Variants in HERC6 observed in about 807,000 individuals in gnomAD.
HERC6 encodes the protein HECT and RLD domain containing E3 ubiquitin protein ligase family member 6.
Under a neutral mutation model 114.5 loss-of-function variants are expected in HERC6, and 101 were observed. The observed-to-expected ratio is 0.88, with a 90% CI of 0.75 to 1.04. The LOEUF is 1.04. Among genes scored for constraint, HERC6 ranks in the 50% least tolerant of loss-of-function variants. The probability of loss-of-function intolerance (pLI) is 0.00; values close to 1 mark genes in which losing one functional copy is unlikely to be tolerated. For synonymous variants in HERC6, 408 were observed against 436.2 expected (o/e 0.94, Z 0.81); for missense variants, 1,133 against 1,230.9 (o/e 0.92, Z 1.19).
At position 88,435,739 on chromosome 4, in the gene HERC6, GA is replaced by G; in HGVS notation, c.2269del (p.Arg757AspfsTer16). On this transcript the variant is annotated frameshift_variant, in exon 18 of 23. Coordinates refer to ENST00000264346, the MANE Select transcript of HERC6 (RefSeq NM_017912.4). LOFTEE classifies it high-confidence loss of function. ...TTCTTTTCTAGCCTAAACCTGAGAA[GA>G]AAAGATATTTCCTCTTTGGAATGCT... ...WFPAKPKPEK[K>X]RYFLFGMLCG... 6.4e-7 allele frequency: 1 copy of G among 1,552,554 alleles called. No individual in the cohort carries two copies. Among genetic ancestry groups the G allele is most frequent in the Non-Finnish European group, 8.7e-7 (1 of 1,148,986 alleles).
intron 8 of HERC6, among the ~76,000 whole-genome samples, chr4:88,404,227 T>C (rs1735695375): frequency 6.6e-6 from 1 of 151,434 alleles, no homozygotes; most frequent in Non-Finnish European, 1.5e-5. Context: ...AGTTTCGCTC[T>C]TGTTGCCCAG....
chr4:88,383,372 C>T lies in HERC6; in HGVS notation c.351C>T (p.Phe117=), dbSNP rs761817060. 4.2e-5 allele frequency: 63 copies of T among 1,497,280 alleles called. No homozygotes were observed. The highest frequency in any genetic ancestry group is 5.4e-5 in the Non-Finnish European group (61 of 1,124,984). The allele number at this position is 1,497,280 out of a possible 1,614,324, so 92.7% of individuals were successfully genotyped here. A position where few individuals can be genotyped will look rare whatever the true frequency, so the allele number is the denominator to read the frequency against. Residue 117 remains phenylalanine (F), a synonymous_variant, in exon 2 of 23, where the codon TTC becomes TTT. Transcript: ENST00000264346. ...TTGGAGAATTCAAGGAAATAAGTTT[C>T]ACACCTAAGTAAGTGTTTCAACCCA... ...LGIGEFKEIS[F]TPKKIMTLND...
At chr4:88,428,306 T>C (rs1737833900) in intron 15 of HERC6, among the ~76,000 whole-genome samples, 1 of 152,214 alleles carries the variant, frequency 6.6e-6, no homozygotes, top group Non-Finnish European at 1.5e-5. Flanking sequence ...ATAAATAATC[T>C]GAGATAGCTT....
Position 88,424,598 on chromosome 4 carries a change from C to A in HERC6, c.1831C>A (p.Pro611Thr). 1 of 1,592,716 alleles carries A rather than the reference C, an allele frequency of 6.3e-7. No individual in the cohort carries two copies. Among genetic ancestry groups the A allele is most frequent in the East Asian group, 2.2e-5 (1 of 44,644 alleles). The change falls in exon 15 of 23, where the codon CCT becomes ACT. Residue 611 changes from proline (P) to threonine (T), a missense_variant. Pro to Thr is a conservative substitution (Grantham distance 38). Transcript: ENST00000264346. ...ATTATCTCTGTTTATTTTTTAGATA[C>A]CTGCAGAAACCCCCAGTCCTGTTAT... ...RQLFRDNHLI[P>T]AETPSPVIFS...
In HERC6 at chr4:88,388,549, CAA is replaced by C. The variant is rs76168315; in HGVS notation, c.437-2084_437-2083del. On this transcript the variant is annotated intron_variant, in intron 3 of 22. Transcript: ENST00000264346. ...CTGGGTGACAGAGCAAGACTCGTCT[CAA>C]AAAAAAAAAAAAAAAAAAGACAGAT... Among the ~76,000 whole-genome samples, 535 of 92,436 alleles carry C rather than the reference CAA, an allele frequency of 5.8e-3. 2 individuals are homozygous for C. Among genetic ancestry groups the C allele is most frequent in the African/African-American group, 0.014 (421 of 29,082 alleles). 60.6% of individuals were successfully genotyped at this position (92,436 alleles called of 152,430 possible). A position where few individuals can be genotyped will look rare whatever the true frequency, so the allele number is the denominator to read the frequency against.
chr4:88,422,840 C>A (rs919424599), intron 13 of HERC6, among the ~76,000 whole-genome samples: 6 of 151,970 alleles, frequency 3.9e-5, no homozygotes, highest in Non-Finnish European at 5.9e-5. Context: ...AATCTATAAA[C>A]CTTTTGGGTC....
intron 13 of HERC6, 40 bp downstream of exon 13, chr4:88,417,619 T>G (rs1736615767): frequency 6.5e-7 from 1 of 1,546,628 alleles, no homozygotes; most frequent in African/African-American, 1.4e-5. Flanking sequence ...CTATTTTATG[T>G]AATCAAAATC....
intron 13 of HERC6, among the ~76,000 whole-genome samples, chr4:88,422,120 T>C (rs1266612900): frequency 2.0e-5 from 3 of 152,190 alleles, no homozygotes; most frequent in African/African-American, 7.2e-5. Flanking sequence ...CATCTACTTT[T>C]TCCTCTTAAA....
intron 10 of HERC6, 131 bp downstream of exon 10, chr4:88,405,744 T>C (rs1735785912): frequency 2.3e-6 from 1 of 431,682 alleles, no homozygotes; most frequent in Non-Finnish European, 4.1e-6. Context: ...ACTCTGTAGG[T>C]TGTTATAGAA....
intron 2 of HERC6, among the ~76,000 whole-genome samples, chr4:88,383,793 A>T (rs1734442356): frequency 7.1e-6 from 1 of 140,776 alleles, no homozygotes; most frequent in African/African-American, 2.6e-5. Context: ...AAAAAAAAAA[A>T]GACTATGACA....
intron 8 of HERC6, among the ~76,000 whole-genome samples, chr4:88,403,756 AAAT>A (rs750223021): frequency 3.2e-4 from 49 of 152,112 alleles, no homozygotes; most frequent in Non-Finnish European, 6.5e-4. Flanking sequence ...TCTGTCTCAA[AAAT>A]AATAATAATA....
In HERC6 at chr4:88,398,256, G is replaced by A. The variant is rs748302415; in HGVS notation, c.1092+47G>A. ...CCTCTTAAAAATTATTTTTTCTCAA[G>A]ATTTCAGACCGGTATTTGAAATACT... is the stretch of plus-strand genomic sequence containing the variant. On this transcript the variant is annotated intron_variant, in intron 8 of 22. Transcript: ENST00000264346. 14 of 1,180,872 alleles carry A rather than the reference G, an allele frequency of 1.2e-5. No homozygotes were observed. The South Asian group carries it at 2.2e-4, about 18-fold the overall frequency. The allele number at this position is 1,180,872 out of a possible 1,614,324, so 73.1% of individuals were successfully genotyped here.
At chr4:88,427,466 C>T (rs1293305353) in intron 15 of HERC6, among the ~76,000 whole-genome samples, 2 of 152,052 alleles carry the variant, frequency 1.3e-5, no homozygotes, top group Non-Finnish European at 2.9e-5. Flanking sequence ...TGCAGGGCCA[C>T]AGGAGGTGAT....
intron 13 of HERC6, among the ~76,000 whole-genome samples, chr4:88,422,105 A>G (rs1578408376): frequency 2.0e-5 from 3 of 152,288 alleles, no homozygotes. Flanking sequence ...TTTTGATGAT[A>G]AATTCATCTA....
intron 8 of HERC6, chr4:88,399,525 C>T (rs1009149846): frequency 6.6e-6 from 1 of 152,300 alleles, no homozygotes; most frequent in Non-Finnish European, 1.5e-5. Flanking sequence ...AATCCCAGCG[C>T]TTTGGGTGGC....
In HERC6 at chr4:88,439,905, A is replaced by G. The variant is rs1306855207; in HGVS notation, c.2587A>G (p.Ile863Val). The change falls in exon 21 of 23, where the codon ATT becomes GTT. Residue 863 changes from isoleucine to valine, a missense_variant. Ile to Val is a conservative substitution (Grantham distance 29, BLOSUM62 3). This residue lies in a region of HERC6 where 388 missense variants were observed against 445.9 expected (regional missense o/e 0.87). Transcript: ENST00000264346. ...RDYVSKYIDYIFNVSVKAVYE... is the reference protein window; with the variant it reads ...RDYVSKYIDYVFNVSVKAVYE... Reference sequence around the variant, plus strand: ...CTATGTTTCTAAGTATATTGATTACATTTTCAACGTCTCTGTAAAAGCAGT... The same window carrying G: ...CTATGTTTCTAAGTATATTGATTACGTTTTCAACGTCTCTGTAAAAGCAGT... 68 of 1,557,874 alleles carry G rather than the reference A, an allele frequency of 4.4e-5. No individual in the cohort carries two copies. Among genetic ancestry groups the G allele is most frequent in the Non-Finnish European group, 5.8e-5 (67 of 1,157,400 alleles).
chr4:88,390,842 T>C lies in HERC6; in HGVS notation c.627T>C (p.Ser209=), dbSNP rs28435459. 5 of 1,613,780 alleles carry C rather than the reference T, an allele frequency of 3.1e-6. No homozygotes were observed. The African/African-American group carries it at 5.3e-5, about 17-fold the overall frequency. Residue 209 remains serine (S), a synonymous_variant, in exon 4 of 23, where the codon AGT becomes AGC. Coordinates refer to ENST00000264346, the MANE Select transcript of HERC6 (RefSeq NM_017912.4). ...CTTCGTTTGGCTGGGGAAGTAACAG[T>C]GCCGGGCAGCTGGCCCTCAGTGGGC... ...CGTSFGWGSN[S]AGQLALSGRN...
At chr4:88,439,837 CCTTT>C (rs780324864) in intron 20 of HERC6, 33 bp from the exon 21 acceptor site, 133 of 1,334,814 alleles carry the variant, frequency 1.0e-4, no homozygotes, top group African/African-American at 6.8e-4. Context: ...CCTTTTCCTT[CCTTT>C]CTTTTTTTTT....
chr4:88,410,612 A>ACTAT (rs567260015), intron 11 of HERC6, among the ~76,000 whole-genome samples: 394 of 152,302 alleles, frequency 2.6e-3, no homozygotes, highest in Middle Eastern at 0.01. Context: ...ACCTCTTAAT[A>ACTAT]CTATCATATT....
Sources: allele counts gnomAD v4.1 joint callset (sites outside exome capture counted in the v4.1 genomes callset), GRCh38; gene constraint gnomAD v4.1.1; regional missense constraint gnomAD v4.1.1; transcripts MANE v1.5; gene names NCBI Gene and HGNC (gene_info 2026-07-23, HGNC 2026-07-21).